Variants in RUNX2 observed in about 807,000 individuals in gnomAD.
The protein encoded by RUNX2 is RUNX family transcription factor 2.
RUNX2 carries 10 observed loss-of-function variants against 51.7 expected under a neutral mutation model. The ratio of observed to expected loss-of-function variants is 0.19; its 90% CI spans 0.12 to 0.33. The LOEUF (loss-of-function observed/expected upper bound fraction) is 0.33, where lower values mean the gene tolerates loss of function less well. RUNX2 is among the 10% of genes least tolerant of loss of function. The pLI, the probability that RUNX2 is intolerant of heterozygous loss-of-function variation, is 1.00. For synonymous variants in RUNX2, 276 were observed against 273.6 expected, an observed-to-expected ratio of 1.01 and a Z score of -0.09; for missense variants, 562 against 691.3, an observed-to-expected ratio of 0.81 and a Z score of 2.10.
intron 5 of RUNX2, among the ~76,000 whole-genome samples, chr6:45,480,258 A>G (rs562449024): frequency 1.3e-5 from 2 of 152,322 alleles, no homozygotes; most frequent in East Asian, 3.9e-4. Flanking sequence ...TAACTTGTAA[A>G]AACAGTTTTA....
intron 2 of RUNX2, among the ~76,000 whole-genome samples, chr6:45,399,547 A>G (rs976628481): frequency 6.6e-6 from 1 of 150,474 alleles, no homozygotes; most frequent in African/African-American, 2.4e-5. Flanking sequence ...TTTAGTAGAG[A>G]CGGGGTTTCA....
chr6:45,395,109 T>G (rs1044978802), intron 2 of RUNX2, among the ~76,000 whole-genome samples: 6 of 152,212 alleles, frequency 3.9e-5, no homozygotes, highest in Non-Finnish European at 7.3e-5. Flanking sequence ...CCTGACAATC[T>G]GTGATTGTCT....
chr6:45,334,344 T>C (rs569818212), intron 2 of RUNX2, among the ~76,000 whole-genome samples: 1 of 149,240 alleles, frequency 6.7e-6, no homozygotes, highest in African/African-American at 2.4e-5. Flanking sequence ...AGAACTTAAA[T>C]ACACATTTGT....
intron 2 of RUNX2, among the ~76,000 whole-genome samples, chr6:45,409,577 T>G (rs1304309055): frequency 6.6e-6 from 1 of 152,212 alleles, no homozygotes; most frequent in Non-Finnish European, 1.5e-5. Context: ...AATGCCAAAC[T>G]ATTATTTCGA....
chr6:45,459,569 C>T (rs1434609621), intron 5 of RUNX2, among the ~76,000 whole-genome samples: 1 of 152,218 alleles, frequency 6.6e-6, no homozygotes, highest in African/African-American at 2.4e-5. Context: ...ATCACATGTT[C>T]ATTCTTTCAA....
At chr6:45,395,848 G>GT (rs1338947073) in intron 2 of RUNX2, among the ~76,000 whole-genome samples, 2 of 152,032 alleles carry the variant, frequency 1.3e-5, no homozygotes, top group African/African-American at 4.8e-5. Context: ...TGTATTTTTA[G>GT]TAGAGACGGA....
At chr6:45,339,373 T>C (rs1402340433) in intron 2 of RUNX2, among the ~76,000 whole-genome samples, 1 of 152,168 alleles carries the variant, frequency 6.6e-6, no homozygotes, top group Non-Finnish European at 1.5e-5. Context: ...AGCCAATAGA[T>C]AGCCAACTTT....
intron 2 of RUNX2, among the ~76,000 whole-genome samples, chr6:45,407,605 A>G (rs896257679): frequency 2.0e-5 from 3 of 151,770 alleles, no homozygotes; most frequent in Non-Finnish European, 4.4e-5. Flanking sequence ...AAATTCTCCT[A>G]TCTCAGCCTC....
chr6:45,338,128 T>C (rs1788974882), intron 2 of RUNX2, among the ~76,000 whole-genome samples: 1 of 152,070 alleles, frequency 6.6e-6, no homozygotes, highest in Admixed American at 6.6e-5. Flanking sequence ...TAGCCTATCT[T>C]TCTAGCTTTC....
chr6:45,512,010 A>G (rs1038189330), intron 6 of RUNX2, among the ~76,000 whole-genome samples: 5 of 152,146 alleles, frequency 3.3e-5, no homozygotes, highest in Admixed American at 6.6e-5. Context: ...GTCTTTATGC[A>G]TCATCCATTT....
chr6:45,394,488 T>G (rs1444060923), intron 2 of RUNX2, among the ~76,000 whole-genome samples: 3 of 152,192 alleles, frequency 2.0e-5, no homozygotes, highest in Non-Finnish European at 4.4e-5. Context: ...AGCTTACAGA[T>G]CTTTTAGCTG....
intron 7 of RUNX2, among the ~76,000 whole-genome samples, chr6:45,521,932 T>C (rs1398011444): frequency 2.0e-5 from 3 of 152,240 alleles, no homozygotes; most frequent in African/African-American, 7.2e-5. Flanking sequence ...TCTGTCAATC[T>C]GCATTTCTCC....
At chr6:45,467,598 AC>A (rs2150390954) in intron 5 of RUNX2, among the ~76,000 whole-genome samples, 2 of 152,104 alleles carry the variant, frequency 1.3e-5, no homozygotes, top group East Asian at 3.9e-4. Context: ...ATCTTTTAGA[AC>A]CGCCACCCCC....
chr6:45,394,473 T>C (rs924737064), intron 2 of RUNX2, among the ~76,000 whole-genome samples: 1 of 152,170 alleles, frequency 6.6e-6, no homozygotes, highest in East Asian at 1.9e-4. Flanking sequence ...TTAAGTAGGG[T>C]CTGAAGCTTA....
chr6:45,490,889 A>G (rs1800441062), intron 5 of RUNX2, among the ~76,000 whole-genome samples: 1 of 152,150 alleles, frequency 6.6e-6, no homozygotes, highest in Admixed American at 6.5e-5. Flanking sequence ...GGAGGAAGGA[A>G]TCCCCAGTCC....
intron 2 of RUNX2, among the ~76,000 whole-genome samples, chr6:45,343,977 A>G (rs1330315371): frequency 6.6e-6 from 1 of 152,194 alleles, no homozygotes; most frequent in Admixed American, 6.5e-5. Context: ...TACTGGTAAA[A>G]TATTTTACAA....
chr6:45,365,322 A>G (rs1392384992), intron 2 of RUNX2: 1 of 1,549,782 alleles, frequency 6.5e-7, no homozygotes, highest in African/African-American at 1.4e-5. Flanking sequence ...AGGAGAAATA[A>G]AGCTTACAAA....
intron 5 of RUNX2, among the ~76,000 whole-genome samples, 171 bp from the exon 6 acceptor site, chr6:45,491,770 C>T (rs547389904): frequency 5.3e-5 from 8 of 151,876 alleles, no homozygotes; most frequent in Non-Finnish European, 1.0e-4. Flanking sequence ...CACCAGATAC[C>T]GCTTATAAAG....
At chr6:45,411,927 G>C (rs952440861) in intron 2 of RUNX2, among the ~76,000 whole-genome samples, 6 of 152,234 alleles carry the variant, frequency 3.9e-5, no homozygotes, top group African/African-American at 9.6e-5. Context: ...ATCTCATTCA[G>C]TGTGCTTTAC....
Sources: gnomAD v4.1 joint callset for allele counts (sites outside exome capture counted in the v4.1 genomes callset) on GRCh38, gnomAD v4.1.1 for gene constraint, MANE v1.5 for transcripts, NCBI Gene and HGNC (gene_info 2026-07-23, HGNC 2026-07-21) for gene names.